Variants in PPP1R14D observed in about 807,000 individuals in gnomAD.
PPP1R14D encodes protein phosphatase 1 regulatory subunit 14D.
In PPP1R14D, 14 loss-of-function variants were observed where a neutral mutation model predicts 17.1. The observed-to-expected ratio is 0.82, with a 90% CI of 0.54 to 1.28. The LOEUF is 1.28. Ranked by LOEUF, PPP1R14D falls within the 50% of genes most tolerant of loss-of-function variation. The probability of loss-of-function intolerance (pLI) is 0.00; values close to 1 mark genes in which losing one functional copy is unlikely to be tolerated. For missense variants in PPP1R14D, 173 were observed against 179.2 expected (o/e 0.97, Z 0.20); for synonymous variants, 67 against 66.1 (o/e 1.01, Z -0.06).
rs1330464043 is a variant in PPP1R14D, at chr15:40,815,661, G to A, written c.*35C>T. On this transcript the variant is annotated 3_prime_UTR_variant, in exon 4 of 4. Transcript: ENST00000299174. Reference sequence around the variant, plus strand: ...GATCTGGAGTTTCAGGGCAGGCCTGGCAGTGCTGAGGCTGCTAAAGATGGT... The same window carrying A: ...GATCTGGAGTTTCAGGGCAGGCCTGACAGTGCTGAGGCTGCTAAAGATGGT... 2.5e-6 allele frequency: 4 copies of A among 1,610,058 alleles called. No homozygotes were observed. The highest frequency in any genetic ancestry group is 3.4e-6 in the Non-Finnish European group (4 of 1,178,224).
intron 1 of PPP1R14D, among the ~76,000 whole-genome samples, chr15:40,817,814 T>C (rs1890699169): frequency 6.6e-6 from 1 of 151,740 alleles, no homozygotes; most frequent in African/African-American, 2.4e-5. Context: ...AGTCTCAATA[T>C]GTTGTCCAGG....
intron 1 of PPP1R14D, among the ~76,000 whole-genome samples, chr15:40,825,132 A>C (rs2141989371): frequency 6.6e-6 from 1 of 152,092 alleles, no homozygotes; most frequent in South Asian, 2.1e-4. Flanking sequence ...AAAAATACAA[A>C]AAATTAGCCA....
At position 40,815,488 on chromosome 15, in the gene PPP1R14D, G is replaced by C; in HGVS notation, c.*208C>G. The C allele has an allele frequency of 1.7e-6, 1 of 604,390 alleles. No individual in the cohort carries two copies. Among genetic ancestry groups the C allele is most frequent in the Non-Finnish European group, 2.9e-6 (1 of 349,372 alleles). The allele number at this position is 604,390 out of a possible 1,614,324, so 37.4% of individuals were successfully genotyped here. A position where few individuals can be genotyped will look rare whatever the true frequency, so the allele number is the denominator to read the frequency against. ...AGGTTTTATCCACTTGGCTGCCAAG[G>C]AAGGCATTGGACAACAGCCAGCTTT... On this transcript the variant is annotated 3_prime_UTR_variant, in exon 4 of 4. Coordinates refer to ENST00000299174, the MANE Select transcript of PPP1R14D (RefSeq NM_017726.8).
At chr15:40,825,910 C>G (rs1317512548) in intron 1 of PPP1R14D, among the ~76,000 whole-genome samples, 1 of 152,208 alleles carries the variant, frequency 6.6e-6, no homozygotes, top group South Asian at 2.1e-4. Flanking sequence ...TATTACTGTA[C>G]AGCCTCCAGC....
At chr15:40,824,621 A>G (rs1890840921) in intron 1 of PPP1R14D, among the ~76,000 whole-genome samples, 1 of 152,102 alleles carries the variant, frequency 6.6e-6, no homozygotes, top group Admixed American at 6.6e-5. Flanking sequence ...TGCCCCTCTC[A>G]GCCTCCCAAA....
At chr15:40,827,782 C>T (rs899456932) in intron 1 of PPP1R14D, among the ~76,000 whole-genome samples, 1 of 151,926 alleles carries the variant, frequency 6.6e-6, no homozygotes, top group Non-Finnish European at 1.5e-5. Flanking sequence ...AAAAATTTGC[C>T]AGGCGTGGTG....
chr15:40,817,990 C>CA (rs1223143914), intron 1 of PPP1R14D, among the ~76,000 whole-genome samples: 1 of 152,084 alleles, frequency 6.6e-6, no homozygotes, highest in Non-Finnish European at 1.5e-5. Context: ...CACATTCACA[C>CA]AAAAACCTGC....
intron 1 of PPP1R14D, among the ~76,000 whole-genome samples, chr15:40,827,122 C>T (rs775161598): frequency 9.9e-5 from 15 of 152,208 alleles, no homozygotes; most frequent in Non-Finnish European, 1.8e-4. Context: ...ATTCTAGTCC[C>T]GCACTGTCCA....
chr15:40,823,353 C>T (rs1417207172), intron 1 of PPP1R14D, among the ~76,000 whole-genome samples: 2 of 152,126 alleles, frequency 1.3e-5, no homozygotes, highest in Non-Finnish European at 2.9e-5. Flanking sequence ...AGCAATCCTC[C>T]TGCCTCGGCC....
intron 1 of PPP1R14D, among the ~76,000 whole-genome samples, chr15:40,824,555 G>A (rs1022695667): frequency 1.1e-4 from 17 of 151,742 alleles, no homozygotes; most frequent in African/African-American, 2.9e-4. Flanking sequence ...TATTTTTTTG[G>A]ACAGGGTTTC....
rs781107670 is a variant in PPP1R14D, at chr15:40,815,943, G to A, written c.372+19C>T. 17 of 1,613,790 alleles carry A rather than the reference G, an allele frequency of 1.1e-5. No homozygotes were observed. The East Asian group carries it at 3.6e-4, about 34-fold the overall frequency. On this transcript the variant is annotated intron_variant, in intron 3 of 3. Coordinates refer to ENST00000299174, the MANE Select transcript of PPP1R14D (RefSeq NM_017726.8). ...TTGGGCCTCCTCTTACCCCAGACCAGCAGAAGAACATCCCTTACCTCTGTG... is the reference window on the plus strand; with the variant it reads ...TTGGGCCTCCTCTTACCCCAGACCAACAGAAGAACATCCCTTACCTCTGTG...
chr15:40,823,818 G>A (rs1890824643), intron 1 of PPP1R14D, among the ~76,000 whole-genome samples: 1 of 151,926 alleles, frequency 6.6e-6, no homozygotes, highest in Non-Finnish European at 1.5e-5. Context: ...GTATCCCTGT[G>A]GTTAAGCAGG....
intron 1 of PPP1R14D, among the ~76,000 whole-genome samples, chr15:40,825,342 C>T (rs1488690284): frequency 1.3e-5 from 2 of 151,284 alleles, no homozygotes; most frequent in African/African-American, 4.9e-5. Flanking sequence ...AAAAGGGGTG[C>T]ATGTTGGGCA....
chr15:40,823,388 T>C (rs1596128403), intron 1 of PPP1R14D, among the ~76,000 whole-genome samples: 1 of 152,120 alleles, frequency 6.6e-6, no homozygotes, highest in East Asian at 1.9e-4. Context: ...ATTACAGTTA[T>C]GAGCCACTGT....
intron 1 of PPP1R14D, among the ~76,000 whole-genome samples, chr15:40,827,298 C>T (rs540861508): frequency 1.2e-4 from 18 of 151,844 alleles, no homozygotes; most frequent in Admixed American, 2.6e-4. Flanking sequence ...CACCTGAGGT[C>T]GAGAGTTCGA....
intron 1 of PPP1R14D, among the ~76,000 whole-genome samples, chr15:40,824,789 G>C (rs1453954817): frequency 5.9e-5 from 9 of 152,154 alleles, no homozygotes; most frequent in African/African-American, 2.2e-4. Flanking sequence ...CTCTGGGATG[G>C]TCAACAGTGT....
At chr15:40,815,829 T>C in intron 3 of PPP1R14D, 68 bp from the exon 4 acceptor site, 1 of 657,812 alleles carries the variant, frequency 1.5e-6, no homozygotes, top group Non-Finnish European at 2.6e-6. Context: ...CCCTCCCTAA[T>C]CTTCCCCTGC....
intron 1 of PPP1R14D, 37 bp from the exon 2 acceptor site, chr15:40,816,290 C>T (rs774280446): frequency 4.5e-6 from 7 of 1,550,086 alleles, no homozygotes; most frequent in Non-Finnish European, 6.2e-6. Context: ...AGGGGCCTGA[C>T]CAGCTGGTGC....
At chr15:40,818,288 C>CAAAAA (rs764375543) in intron 1 of PPP1R14D, among the ~76,000 whole-genome samples, 10 of 37,054 alleles carry the variant, frequency 2.7e-4, no homozygotes, top group East Asian at 1.3e-3. Context: ...GACTCCATCT[C>CAAAAA]AAAAAAAAAA....
Sources: allele counts gnomAD v4.1 joint callset (sites outside exome capture counted in the v4.1 genomes callset), GRCh38; gene constraint gnomAD v4.1.1; transcripts MANE v1.5; gene names NCBI Gene and HGNC (gene_info 2026-07-23, HGNC 2026-07-21).